Variants in FBXL6 observed in about 807,000 individuals in gnomAD.
The protein encoded by FBXL6 is F-box and leucine rich repeat protein 6.
FBXL6 carries 50 observed loss-of-function variants against 53.3 expected under a neutral mutation model. That is an observed-to-expected ratio of 0.94 (90% CI 0.75 to 1.19). The LOEUF is 1.19. Among genes scored for constraint, FBXL6 ranks in the 50% most tolerant of loss-of-function variants. The pLI is 0.00. For synonymous variants in FBXL6, 405 were observed against 322.9 expected (o/e 1.25, Z -2.73); for missense variants, 815 against 719.0 (o/e 1.13, Z -1.53).
rs1818376052 is a variant in FBXL6, at chr8:144,355,832, C to T, written c.1472+136G>A. On this transcript the variant is annotated intron_variant, in intron 8 of 8. Coordinates refer to ENST00000331890, the MANE Select transcript of FBXL6 (RefSeq NM_012162.4). ...TCCCCTGGTGTCCTCAGGCCCACCC[C>T]ACGCAGGGGCTTGGACAGTATGCAT... 18 of 1,524,492 alleles carry T rather than the reference C, an allele frequency of 1.2e-5. No individual in the cohort carries two copies. In the South Asian group the frequency reaches 2.1e-4, roughly 18 times the overall value. The allele number at this position is 1,524,492 out of a possible 1,614,324, so 94.4% of individuals were successfully genotyped here. A position where few individuals can be genotyped will look rare whatever the true frequency, so the allele number is the denominator to read the frequency against.
intron 1 of FBXL6, 71 bp downstream of exon 1, chr8:144,357,961 C>T (rs1433178308): frequency 6.7e-7 from 1 of 1,491,384 alleles, no homozygotes; most frequent in East Asian, 2.5e-5. Flanking sequence ...TCCGCCCCCG[C>T]CCGGGCCACC....
chr8:144,357,410 T>C (rs983131480), intron 3 of FBXL6, 29 bp downstream of exon 3: 1 of 1,603,070 alleles, frequency 6.2e-7, no homozygotes, highest in Non-Finnish European at 8.5e-7. Flanking sequence ...GTGTCACAGC[T>C]GATGTGCAGG....
At chr8:144,356,734 G>C (rs552998165) in intron 5 of FBXL6, 21 bp from the exon 6 acceptor site, 1 of 1,610,154 alleles carries the variant, frequency 6.2e-7, no homozygotes, top group East Asian at 2.2e-5. Flanking sequence ...GGGGGGAGGG[G>C]GTAGGTCACA....
chr8:144,356,150 G>T lies in FBXL6; in HGVS notation c.1290C>A (p.Gly430=), dbSNP rs1554852708. The change falls in exon 8 of 9, where the codon GGC becomes GGA. Residue 430 remains glycine (G), a synonymous_variant. Transcript: ENST00000331890. ...ACCACTTCTGGGTCAAAAAGGGGCT[G>T]CCCTCCTTGGCTAGAGTCAGCCGGT... is the stretch of plus-strand genomic sequence containing the variant. ...TSDRLTLAKE[G]SPFLTQKWCH... is the part of the protein sequence containing the mutation. The T allele has an allele frequency of 1.2e-6, 2 of 1,612,970 alleles. No individual in the cohort carries two copies. The highest frequency in any genetic ancestry group is 1.7e-5 in the Admixed American group (1 of 60,024).
At position 144,356,412 on chromosome 8, in the gene FBXL6, C is replaced by A; in HGVS notation, c.1113G>T (p.Val371=). 1 of 1,613,064 alleles carries A rather than the reference C, an allele frequency of 6.2e-7. No homozygotes were observed. Among genetic ancestry groups the A allele is most frequent in the South Asian group, 1.1e-5 (1 of 91,088 alleles). Residue 371 remains valine (V), a synonymous_variant, in exon 7 of 9, where the codon GTG becomes GTT. Transcript: ENST00000331890. The part of the protein sequence containing the change: ...LCLASSTCNF[V]SNEVLGRLLH... ...GTAGGCGGCCCAGGACCTCGTTGCT[C>A]ACAAAGTTGCAGGTTGAGCTCGCCA...
chr8:144,357,818 C>T (rs781971929), intron 1 of FBXL6, 32 bp from the exon 2 acceptor site: 1 of 1,476,592 alleles, frequency 6.8e-7, no homozygotes, highest in Non-Finnish European at 8.9e-7. Flanking sequence ...GGTGCCGGCC[C>T]CTCCGTAGGC....
chr8:144,358,135 C>A lies in FBXL6; in HGVS notation c.313G>T (p.Glu105Ter). ...PAPAPTPTPE[E>*]GPDAGWGDRI... is the part of the protein sequence containing the mutation. ...TCTCCCCAGCCCGCGTCGGGCCCTTCCTCGGGCGTGGGCGTGGGTGCCGGT... is the reference window on the plus strand; with the variant it reads ...TCTCCCCAGCCCGCGTCGGGCCCTTACTCGGGCGTGGGCGTGGGTGCCGGT... The change falls in exon 1 of 9, where the codon GAA (glutamate) becomes TAA (stop). Residue 105 changes from glutamate to a stop codon, truncating the protein, a stop_gained. Transcript: ENST00000331890. LOFTEE classifies it high-confidence loss of function. The A allele has an allele frequency of 1.3e-6, 2 of 1,566,096 alleles. No homozygotes were observed. The highest frequency in any genetic ancestry group is 8.6e-7 in the Non-Finnish European group (1 of 1,162,866).
rs1564648861 is a variant in FBXL6, at chr8:144,356,676, CT to C, written c.916del (p.Ser306AlafsTer31). On this transcript the variant is annotated frameshift_variant, in exon 6 of 9. Coordinates refer to ENST00000331890, the MANE Select transcript of FBXL6 (RefSeq NM_012162.4). LOFTEE classifies it high-confidence loss of function. The part of the protein sequence containing the change: ...CCPQLQVLEV[S>X]TGINRNSIPL... Reference sequence around the variant, plus strand: ...AATGCTATTACGGTTGATGCCGGTGCTCACCTCCAGGACCTGGAGCTGGGGG... The same window carrying C: ...AATGCTATTACGGTTGATGCCGGTGCCACCTCCAGGACCTGGAGCTGGGGG... The C allele has an allele frequency of 1.2e-6, 2 of 1,612,720 alleles. No individual in the cohort carries two copies. The highest frequency in any genetic ancestry group is 3.3e-5 in the Admixed American group (2 of 59,994).
In FBXL6 at chr8:144,357,729, G is replaced by A; in HGVS notation, c.474C>T (p.His158=). ...QEAASQPALW[H]TVTLSSPLVG... is the part of the protein sequence containing the mutation. Reference sequence around the variant, plus strand: ...CCAGCGGGGACGACAGGGTCACGGTGTGCCAGAGCGCGGGTTGGGAAGCGG... The same window carrying A: ...CCAGCGGGGACGACAGGGTCACGGTATGCCAGAGCGCGGGTTGGGAAGCGG... Residue 158 remains histidine, a synonymous_variant, in exon 2 of 9, where the codon CAC becomes CAT. Coordinates refer to ENST00000331890, the MANE Select transcript of FBXL6 (RefSeq NM_012162.4). 1 of 1,605,742 alleles carries A rather than the reference G, an allele frequency of 6.2e-7. No homozygotes were observed. The highest frequency in any genetic ancestry group is 8.5e-7 in the Non-Finnish European group (1 of 1,177,020).
chr8:144,355,602 G>A lies in FBXL6; in HGVS notation c.1549C>T (p.Arg517Trp), dbSNP rs538346478. 2.4e-4 allele frequency: 391 copies of A among 1,611,288 alleles called. 4 individuals are homozygous for A. The South Asian group carries it at 3.5e-3, about 14-fold the overall frequency. Residue 517 changes from arginine to tryptophan, a missense_variant, in exon 9 of 9, where the codon CGG becomes TGG. By Grantham distance (101) the Arg-to-Trp change is moderately radical (BLOSUM62 -3). Transcript: ENST00000331890. ...SCRCLPRGLKRAYRGLEEVQW... is the reference protein window; with the variant it reads ...SCRCLPRGLKWAYRGLEEVQW... ...ACTTCCTCCAGGCCCCGGTAGGCCC[G>A]CTTCAGACCCCGGGGAAGGCAGCGG...
chr8:144,355,552 G>A lies in FBXL6; in HGVS notation c.1599C>T (p.Leu533=). Residue 533 remains leucine (L), a synonymous_variant, in exon 9 of 9, where the codon CTC becomes CTT. Transcript: ENST00000331890. Reference sequence around the variant, plus strand: ...CTGCCTAGCTGGGTGAGGGGCTGGTGAGCAGCTGCTCCAGACACCACTGGA... The same window carrying A: ...CTGCCTAGCTGGGTGAGGGGCTGGTAAGCAGCTGCTCCAGACACCACTGGA... ...EEVQWCLEQL[L]TSPSPS The A allele has an allele frequency of 6.2e-7, 1 of 1,610,876 alleles. No homozygotes were observed. The highest frequency in any genetic ancestry group is 8.5e-7 in the Non-Finnish European group (1 of 1,179,572).
chr8:144,356,020 C>T lies in FBXL6; in HGVS notation c.1420G>A (p.Ala474Thr). The T allele has an allele frequency of 5.6e-6, 9 of 1,613,114 alleles. No individual in the cohort carries two copies. Among genetic ancestry groups the T allele is most frequent in the Non-Finnish European group, 7.6e-6 (9 of 1,180,014 alleles). The change falls in exon 8 of 9, where the codon GCC (alanine) becomes ACC (threonine). Residue 474 changes from alanine to threonine, a missense_variant. Physicochemically the swap from Ala to Thr is moderately conservative, Grantham distance 58 (BLOSUM62 0). Coordinates refer to ENST00000331890, the MANE Select transcript of FBXL6 (RefSeq NM_012162.4). ...CCCCTGAGGTTAAGAGAGCACAGGG[C>T]TGGGTGTGAGCCCCCAGGGGTGCTT... ...FLSTPGGSHP[A>T]LCSLNLRGTR... is the part of the protein sequence containing the mutation.
At chr8:144,357,600 G>A (rs782572770) in intron 2 of FBXL6, 28 bp downstream of exon 2, 1 of 1,606,348 alleles carries the variant, frequency 6.2e-7, no homozygotes, top group Non-Finnish European at 8.5e-7. Flanking sequence ...CCTGGAGCCA[G>A]GGGTAAGGAA....
In FBXL6 at chr8:144,356,402, C is replaced by T. The variant is rs1818418349; in HGVS notation, c.1123G>A (p.Val375Ile). Residue 375 changes from valine (V) to isoleucine (I), a missense_variant, in exon 7 of 9, where the codon GTC becomes ATC. Val to Ile is a conservative substitution (Grantham distance 29). Coordinates refer to ENST00000331890, the MANE Select transcript of FBXL6 (RefSeq NM_012162.4). The stretch of plus-strand genomic sequence containing the variant: ...GAGCCGTGGAGTAGGCGGCCCAGGA[C>T]CTCGTTGCTCACAAAGTTGCAGGTT... ...SSTCNFVSNE[V>I]LGRLLHGSPN... The T allele has an allele frequency of 6.2e-7, 1 of 1,612,342 alleles. No homozygotes were observed. Among genetic ancestry groups the T allele is most frequent in the Non-Finnish European group, 8.5e-7 (1 of 1,180,000 alleles).
rs371242898 is a variant in FBXL6 at position 144,357,838 on chromosome 8, C to A, written c.417-52G>T. On this transcript the variant is annotated intron_variant, in intron 1 of 8. Coordinates refer to ENST00000331890, the MANE Select transcript of FBXL6 (RefSeq NM_012162.4). ...CGGCCCCTCCGTAGGCGATGCCCCC[C>A]TCTCGCAGCGCAGTAGACACCCCGG... is the stretch of plus-strand genomic sequence containing the variant. 5.4e-5 allele frequency: 79 copies of A among 1,457,006 alleles called. No individual in the cohort carries two copies. The East Asian group carries it at 1.8e-3, about 34-fold the overall frequency. The allele number at this position is 1,457,006 out of a possible 1,614,324, so 90.3% of individuals were successfully genotyped here.
chr8:144,358,275 C>T lies in FBXL6; in HGVS notation c.173G>A (p.Arg58His), dbSNP rs1554853435. The T allele has an allele frequency of 1.6e-6, 2 of 1,227,144 alleles. No individual in the cohort carries two copies. The highest frequency in any genetic ancestry group is 2.0e-6 in the Non-Finnish European group (2 of 984,506). 76.0% of individuals were successfully genotyped at this position (1,227,144 alleles called of 1,614,324 possible). A position where few individuals can be genotyped will look rare whatever the true frequency, so the allele number is the denominator to read the frequency against. The change falls in exon 1 of 9, where the codon CGC becomes CAC. Residue 58 changes from arginine (R) to histidine (H), a missense_variant. Arg to His is a conservative substitution (Grantham distance 29). Transcript: ENST00000331890. ...VLSEPGPARP[R>H]AQRRASRRTP... Reference sequence around the variant, plus strand: ...GCGGCGGGAAGCGCGCCGCTGTGCGCGGGGCCGGGCGGGGCCGGGTTCGGA... The same window carrying T: ...GCGGCGGGAAGCGCGCCGCTGTGCGTGGGGCCGGGCGGGGCCGGGTTCGGA...
In FBXL6 at chr8:144,357,059, A is replaced by G. The variant is rs781930248; in HGVS notation, c.702T>C (p.Thr234=). The change falls in exon 4 of 9, where the codon ACT becomes ACC. Residue 234 remains threonine (T), a synonymous_variant. Coordinates refer to ENST00000331890, the MANE Select transcript of FBXL6 (RefSeq NM_012162.4). ...TGGCTAGCATGACCAGAGCGTCAGC[A>G]GTCACACCGTGGCAGCCGGAGAGCT... The part of the protein sequence containing the change: ...FLKLSGCHGV[T]ADALVMLAKA... 2.5e-6 allele frequency: 4 copies of G among 1,612,884 alleles called. No individual in the cohort carries two copies. In the South Asian group the frequency reaches 3.3e-5, roughly 13 times the overall value.
At chr8:144,357,385 C>T (rs1818504968) in intron 3 of FBXL6, 54 bp downstream of exon 3, 4 of 1,562,244 alleles carry the variant, frequency 2.6e-6, no homozygotes, top group Non-Finnish European at 3.5e-6. Context: ...TCCTAGAGTA[C>T]TGAACAGTCC....
rs782516974 is a variant in FBXL6 at position 144,356,530 on chromosome 8, A to C, written c.995T>G (p.Val332Gly). Reference sequence around the variant, plus strand: ...CCACATCAGGTTCAACAGCCGCAGCACCTGGGGGCAAGGTCCAGGCTGTAG... The same window carrying C: ...CCACATCAGGTTCAACAGCCGCAGCCCCTGGGGGCAAGGTCCAGGCTGTAG... Reference protein sequence around the residue: ...ALQKGCPQLQVLRLLNLMWLP... With the variant: ...ALQKGCPQLQGLRLLNLMWLP... The change falls in exon 7 of 9, where the codon GTG (valine) becomes GGG (glycine). Residue 332 changes from valine (V) to glycine (G), a missense_variant and splice_region_variant. By Grantham distance (109) the Val-to-Gly change is moderately radical (BLOSUM62 -3). Coordinates refer to ENST00000331890, the MANE Select transcript of FBXL6 (RefSeq NM_012162.4). 2.5e-6 allele frequency: 4 copies of C among 1,612,806 alleles called. No homozygotes were observed. The South Asian group carries it at 4.4e-5, about 18-fold the overall frequency.
Sources: gnomAD v4.1 joint callset for allele counts on GRCh38, gnomAD v4.1.1 for gene constraint, MANE v1.5 for transcripts, NCBI Gene and HGNC (gene_info 2026-07-23, HGNC 2026-07-21) for gene names.